NUP62CL: variants seen among roughly 807,000 people sequenced by gnomAD.
NUP62CL encodes nucleoporin 62 C-terminal like.
A neutral mutation model predicts 15.3 loss-of-function variants in NUP62CL; 13 were observed. The ratio of observed to expected loss-of-function variants is 0.85; its 90% CI spans 0.55 to 1.35. NUP62CL has a LOEUF of 1.35. NUP62CL is among the 40% of genes most tolerant of loss of function. The pLI is 0.00. For synonymous variants in NUP62CL, 54 were observed against 49.2 expected, an observed-to-expected ratio of 1.10 and a Z score of -0.41; for missense variants, 123 against 130.6, an observed-to-expected ratio of 0.94 and a Z score of 0.28.
chrX:107,198,515 G>A (rs920044535), intron 1 of NUP62CL, among the ~76,000 whole-genome samples: 2 of 111,905 alleles, frequency 1.8e-5, no homozygotes, highest in Non-Finnish European at 3.8e-5. Context: ...AACACTCACC[G>A]TGAAGGTCTG....
intron 2 of NUP62CL, among the ~76,000 whole-genome samples, chrX:107,181,738 T>G (rs774951560): frequency 8.9e-6 from 1 of 111,971 alleles, no homozygotes; most frequent in African/African-American, 3.2e-5. Flanking sequence ...GTCTGAGCAT[T>G]CAGTGGGTCT....
chrX:107,126,237 A>G (rs192313195), intron 8 of NUP62CL, among the ~76,000 whole-genome samples: 2 of 112,552 alleles, frequency 1.8e-5, no homozygotes, highest in African/African-American at 3.2e-5. Context: ...ACTAAAGAAT[A>G]TCTAAATAAG....
At chrX:107,180,449 G>A (rs1926888624) in intron 2 of NUP62CL, among the ~76,000 whole-genome samples, 1 of 111,620 alleles carries the variant, frequency 9.0e-6, no homozygotes, top group South Asian at 3.8e-4. Context: ...CCAGAGCATG[G>A]AATACTACGA....
chrX:107,174,944 C>A, intron 3 of NUP62CL, 145 bp downstream of exon 3: 1 of 503,870 alleles, frequency 2.0e-6, no homozygotes, highest in Non-Finnish European at 3.4e-6. Context: ...GGTTCTTAAG[C>A]AAAGCTACTA....
rs190071514 is a variant in NUP62CL, at chrX:107,166,390, A to C, written c.194+1259T>G. ...ACTTCACATCTGTCAGAAGGGCTCA[A>C]ATAAAAAGTAGTGACAACACCAAAT... is the stretch of plus-strand genomic sequence containing the variant. On this transcript the variant is annotated intron_variant, in intron 4 of 8. Transcript: ENST00000372466. Among the ~76,000 whole-genome samples, 7 of 112,217 alleles carry C rather than the reference A, an allele frequency of 6.2e-5. No individual in the cohort carries two copies. The East Asian group carries it at 1.4e-3, about 22-fold the overall frequency.
intron 4 of NUP62CL, among the ~76,000 whole-genome samples, chrX:107,160,914 T>C (rs1236216663): frequency 9.3e-6 from 1 of 107,852 alleles, no homozygotes; most frequent in Non-Finnish European, 1.9e-5. Context: ...GAATCTACAA[T>C]GAACTCAAAC....
chrX:107,124,873 C>CTT (rs1925352468), intron 8 of NUP62CL, among the ~76,000 whole-genome samples: 1 of 111,714 alleles, frequency 9.0e-6, no homozygotes, highest in Non-Finnish European at 1.9e-5. Context: ...GCATGATACT[C>CTT]TGAGTTTTTC....
chrX:107,141,974 C>T (rs1401328969), intron 8 of NUP62CL, among the ~76,000 whole-genome samples: 4 of 109,363 alleles, frequency 3.7e-5, no homozygotes, highest in South Asian at 4.1e-4. Context: ...TCACTTGAAC[C>T]GGAAGGCAGA....
At chrX:107,189,672 A>G (rs1338410784) in intron 2 of NUP62CL, among the ~76,000 whole-genome samples, 1 of 107,025 alleles carries the variant, frequency 9.3e-6, no homozygotes, top group Non-Finnish European at 1.9e-5. Context: ...CTATGGTCCC[A>G]GCTACTCAGG....
chrX:107,166,964 T>C (rs762868671), intron 4 of NUP62CL, among the ~76,000 whole-genome samples: 2 of 111,581 alleles, frequency 1.8e-5, no homozygotes, highest in East Asian at 5.6e-4. Context: ...GGAATCCTTG[T>C]AGTGATAAAA....
chrX:107,152,141 TATATATTCAG>T (rs1926052709), intron 7 of NUP62CL, among the ~76,000 whole-genome samples: 1 of 74,146 alleles, frequency 1.3e-5, no homozygotes. Flanking sequence ...TTCAGATATA[TATATATTCAG>T]ATATATATAT....
At chrX:107,152,153 T>G (rs2343178) in intron 7 of NUP62CL, among the ~76,000 whole-genome samples, 1 of 58,237 alleles carries the variant, frequency 1.7e-5, no homozygotes, top group Non-Finnish European at 2.8e-5. Context: ...TATATTCAGA[T>G]ATATATATAT....
chrX:107,188,511 A>C (rs888631603), intron 2 of NUP62CL, among the ~76,000 whole-genome samples: 1 of 109,838 alleles, frequency 9.1e-6, no homozygotes, highest in Non-Finnish European at 1.9e-5. Flanking sequence ...CCAACAAAAA[A>C]CTGCAGCTAA....
At chrX:107,179,858 T>C (rs192379327) in intron 2 of NUP62CL, among the ~76,000 whole-genome samples, 1 of 112,245 alleles carries the variant, frequency 8.9e-6, no homozygotes, top group Non-Finnish European at 1.9e-5. Context: ...TGATTTTTAA[T>C]AAAAGTGTAT....
chrX:107,141,913 A>G (rs1298422626), intron 8 of NUP62CL, among the ~76,000 whole-genome samples: 1 of 109,486 alleles, frequency 9.1e-6, no homozygotes, highest in Non-Finnish European at 1.9e-5. Context: ...TACAAAAATT[A>G]GCCGGGTATG....
At chrX:107,146,918 T>C (rs1162094534) in intron 8 of NUP62CL, among the ~76,000 whole-genome samples, 1 of 111,554 alleles carries the variant, frequency 9.0e-6, no homozygotes, top group Non-Finnish European at 1.9e-5. Context: ...TTAGTGTGAA[T>C]GGCATTTAGA....
chrX:107,131,064 A>T (rs1190912800), intron 8 of NUP62CL, among the ~76,000 whole-genome samples: 1 of 111,647 alleles, frequency 9.0e-6, no homozygotes, highest in East Asian at 2.8e-4. Flanking sequence ...ATATAAAAAT[A>T]AATAGTTGCA....
rs950541953 is a variant in NUP62CL, at chrX:107,123,558, C to T, written c.*817G>A. On this transcript the variant is annotated 3_prime_UTR_variant, in exon 9 of 9. Coordinates refer to ENST00000372466, the MANE Select transcript of NUP62CL (RefSeq NM_017681.3). Reference sequence around the variant, plus strand: ...GACTGTTCCAAACCTAAGAACAAGGCTTATTTAAAACAAAACAAAACAAAC... The same window carrying T: ...GACTGTTCCAAACCTAAGAACAAGGTTTATTTAAAACAAAACAAAACAAAC... 2 of 108,909 alleles carry T rather than the reference C, an allele frequency of 1.8e-5. No homozygotes were observed. The highest frequency in any genetic ancestry group is 3.8e-5 in the Non-Finnish European group (2 of 52,349). 9.0% of individuals were successfully genotyped at this position (108,909 alleles called of 1,213,427 possible).
intron 8 of NUP62CL, among the ~76,000 whole-genome samples, chrX:107,128,870 G>C (rs1255397144): frequency 8.9e-6 from 1 of 112,132 alleles, no homozygotes; most frequent in Non-Finnish European, 1.9e-5. Context: ...ATTATGCAAA[G>C]AATCAAATTT....
Sources: gnomAD v4.1 joint callset for allele counts (sites outside exome capture counted in the v4.1 genomes callset) on GRCh38, gnomAD v4.1.1 for gene constraint, MANE v1.5 for transcripts, NCBI Gene and HGNC (gene_info 2026-07-23, HGNC 2026-07-21) for gene names.